The following XPNPEP3 variants were observed in gnomAD, a reference collection of about 807,000 sequenced individuals.
XPNPEP3 encodes xaa-Pro aminopeptidase 3.
Under a neutral mutation model 60.0 loss-of-function variants are expected in XPNPEP3, and 41 were observed. The observed-to-expected ratio is 0.68, with a 90% CI of 0.53 to 0.89. The LOEUF is 0.89. Ranked by LOEUF, XPNPEP3 falls within the 40% of genes least tolerant of loss-of-function variation. The probability of loss-of-function intolerance (pLI) is 0.00; values close to 1 mark genes in which losing one functional copy is unlikely to be tolerated. For missense variants in XPNPEP3, 598 were observed against 638.9 expected, an observed-to-expected ratio of 0.94 and a Z score of 0.69; for synonymous variants, 212 against 223.2, an observed-to-expected ratio of 0.95 and a Z score of 0.45.
At chr22:40,862,144 A>C in intron 1 of XPNPEP3, 1 of 1,450,126 alleles carries the variant, frequency 6.9e-7, no homozygotes, top group Non-Finnish European at 9.1e-7. Context: ...GTGCTAAGAG[A>C]TGAGGATACT....
intron 2 of XPNPEP3, among the ~76,000 whole-genome samples, chr22:40,880,605 G>T (rs756138574): frequency 2.0e-5 from 3 of 151,686 alleles, no homozygotes; most frequent in Non-Finnish European, 2.9e-5. Flanking sequence ...AAATAATTCA[G>T]TATTACATTT....
chr22:40,909,361 CT>C, intron 6 of XPNPEP3, 126 bp downstream of exon 6: 1 of 791,770 alleles, frequency 1.3e-6, no homozygotes, highest in Non-Finnish European at 2.2e-6. Flanking sequence ...TATTTTATTG[CT>C]TATAAAATGG....
At chr22:40,911,786 C>T (rs570958407) in intron 6 of XPNPEP3, among the ~76,000 whole-genome samples, 114 of 152,250 alleles carry the variant, frequency 7.5e-4, no homozygotes, top group African/African-American at 2.6e-3. Context: ...GTGATCTGCC[C>T]GCCTTGGCCT....
intron 1 of XPNPEP3, among the ~76,000 whole-genome samples, chr22:40,865,037 G>C (rs953547255): frequency 1.3e-5 from 2 of 152,090 alleles, no homozygotes. Flanking sequence ...GTTATAATAC[G>C]AGCACTTGTT....
chr22:40,907,555 C>T (rs765465494), intron 4 of XPNPEP3, 32 bp from the exon 5 acceptor site: 9 of 1,593,352 alleles, frequency 5.6e-6, no homozygotes, highest in South Asian at 4.4e-5. Flanking sequence ...AGAATGAGAT[C>T]GTGTTCTTTT....
At chr22:40,869,374 C>T (rs1430633617) in intron 2 of XPNPEP3, among the ~76,000 whole-genome samples, 1 of 152,156 alleles carries the variant, frequency 6.6e-6, no homozygotes, top group African/African-American at 2.4e-5. Flanking sequence ...TAGTCTAGAA[C>T]AAGGTTTAAA....
chr22:40,905,404 T>C (rs1217601156), intron 4 of XPNPEP3, among the ~76,000 whole-genome samples: 1 of 152,078 alleles, frequency 6.6e-6, no homozygotes, highest in African/African-American at 2.4e-5. Context: ...AATTGTTCAT[T>C]ATCCAGCAGA....
intron 1 of XPNPEP3, chr22:40,860,707 C>T: frequency 9.6e-7 from 1 of 1,045,168 alleles, no homozygotes; most frequent in Non-Finnish European, 1.4e-6. Flanking sequence ...AGCTGGAGTG[C>T]AGTGGCGTGA....
intron 4 of XPNPEP3, chr22:40,907,141 G>GC: frequency 2.2e-6 from 1 of 456,764 alleles, no homozygotes; most frequent in South Asian, 1.5e-5. Flanking sequence ...CGTATTATTG[G>GC]CCCGGCACGG....
At chr22:40,907,694 A>G in intron 5 of XPNPEP3, 45 bp downstream of exon 5, 1 of 1,578,728 alleles carries the variant, frequency 6.3e-7, no homozygotes, top group Non-Finnish European at 8.7e-7. Context: ...GGAGGTGAAT[A>G]TAATAATTTG....
chr22:40,886,564 G>A (rs780700420), intron 4 of XPNPEP3, 49 bp downstream of exon 4: 12 of 1,579,750 alleles, frequency 7.6e-6, no homozygotes, highest in African/African-American at 1.3e-5. Context: ...GGTGGCTCAC[G>A]CCTGTAATCC....
intron 4 of XPNPEP3, among the ~76,000 whole-genome samples, chr22:40,889,435 C>T (rs1459742334): frequency 3.3e-5 from 5 of 152,222 alleles, no homozygotes; most frequent in Admixed American, 2.6e-4. Flanking sequence ...CAACAGTTCA[C>T]TCTACCCCCA....
chr22:40,877,452 C>A (rs2058031790), intron 2 of XPNPEP3, among the ~76,000 whole-genome samples: 1 of 152,182 alleles, frequency 6.6e-6, no homozygotes, highest in South Asian at 2.1e-4. Context: ...CATTTTCAGT[C>A]TTTGTTATAT....
rs5758130 is a variant in XPNPEP3 at position 40,919,373 on chromosome 22, G to T, written c.1056-2960G>T. 4.9e-4 allele frequency among the ~76,000 whole-genome samples: 75 copies of T among 152,264 alleles called. No individual in the cohort carries two copies. The East Asian group carries it at 0.014, about 28-fold the overall frequency. ...AGTTCGAGACCAGTCTAACCAACAT[G>T]GTGAAACCCCGTCCATACTAAAATA... is the stretch of plus-strand genomic sequence containing the variant. On this transcript the variant is annotated intron_variant, in intron 7 of 9. Transcript: ENST00000357137.
chr22:40,890,832 C>T (rs1308360327), intron 4 of XPNPEP3, among the ~76,000 whole-genome samples: 1 of 152,078 alleles, frequency 6.6e-6, no homozygotes, highest in East Asian at 1.9e-4. Context: ...TGCACCACTG[C>T]ACTCCAGTCT....
chr22:40,871,048 T>A (rs757752277), intron 2 of XPNPEP3, among the ~76,000 whole-genome samples: 2 of 150,886 alleles, frequency 1.3e-5, no homozygotes, highest in Non-Finnish European at 3.0e-5. Context: ...GGAAAAAAAA[T>A]TTAAAGGCAT....
In XPNPEP3 at chr22:40,924,467, A is replaced by G; in HGVS notation, c.1342A>G (p.Ile448Val). 6.2e-7 allele frequency: 1 copy of G among 1,614,128 alleles called. No homozygotes were observed. Among genetic ancestry groups the G allele is most frequent in the Non-Finnish European group, 8.5e-7 (1 of 1,180,038 alleles). ...CCTCCCTCTGCAGCCTGGGATGGTA[A>G]TCACAATTGAGCCCGGTAAGGAGAG... is the stretch of plus-strand genomic sequence containing the variant. ...RSLPLQPGMV[I>V]TIEPGIYIPE... The change falls in exon 9 of 10, where the codon ATC becomes GTC. Residue 448 changes from isoleucine to valine, a missense_variant. Coordinates refer to ENST00000357137, the MANE Select transcript of XPNPEP3 (RefSeq NM_022098.4).
At position 40,885,706 on chromosome 22, in the gene XPNPEP3, C is replaced by T. The variant is rs180983429; in HGVS notation, c.590-607C>T. ...GTTCTAATTGTTTAATAATGAAGGC[C>T]GGGCATGGTGATTCACGCCTGTAAT... On this transcript the variant is annotated intron_variant, in intron 3 of 9. Transcript: ENST00000357137. Among the ~76,000 whole-genome samples, 253 of 152,176 alleles carry T rather than the reference C, an allele frequency of 1.7e-3. 1 individual carries two copies. The highest frequency in any genetic ancestry group is 2.1e-3 in the South Asian group (10 of 4,818).
intron 4 of XPNPEP3, among the ~76,000 whole-genome samples, chr22:40,901,665 G>A (rs1269470239): frequency 6.6e-6 from 1 of 152,070 alleles, no homozygotes; most frequent in Non-Finnish European, 1.5e-5. Context: ...TGTGAAGACT[G>A]GGTTTCACCA....
Sources: gnomAD v4.1 joint callset for allele counts (sites outside exome capture counted in the v4.1 genomes callset) on GRCh38, gnomAD v4.1.1 for gene constraint, MANE v1.5 for transcripts, NCBI Gene and HGNC (gene_info 2026-07-23, HGNC 2026-07-21) for gene names.